Variants in SANBR observed in about 807,000 individuals in gnomAD.
SANBR encodes the protein SANT and BTB domain regulator of class switch recombination.
In SANBR, 77 loss-of-function variants were observed where a neutral mutation model predicts 101.8. That is an observed-to-expected ratio of 0.76 (90% CI 0.63 to 0.91). The LOEUF (loss-of-function observed/expected upper bound fraction) is 0.91. Ranked by LOEUF, SANBR falls within the 40% of genes least tolerant of loss-of-function variation. The pLI is 0.00. For missense variants in SANBR, 875 were observed against 853.0 expected (o/e 1.03, Z -0.32); for synonymous variants, 279 against 274.7 (o/e 1.02, Z -0.15).
chr2:61,121,156 G>T (rs1379397392), intron 20 of SANBR, 29 bp from the exon 21 acceptor site: 1 of 1,432,076 alleles, frequency 7.0e-7, no homozygotes, highest in Non-Finnish European at 9.6e-7. Context: ...ATTCTGTGAA[G>T]ATAACAGTAT....
At chr2:61,076,461 C>CAA (rs11308796) in intron 5 of SANBR, among the ~76,000 whole-genome samples, 2 of 121,538 alleles carry the variant, frequency 1.6e-5, no homozygotes, top group South Asian at 2.9e-4. Context: ...ACTAAAAATA[C>CAA]AAAAAAAAAA....
chr2:61,117,454 A>AT lies in SANBR; in HGVS notation c.1866-7dup. 1 of 1,613,644 alleles carries AT rather than the reference A, an allele frequency of 6.2e-7. No individual in the cohort carries two copies. Among genetic ancestry groups the AT allele is most frequent in the Non-Finnish European group, 8.5e-7 (1 of 1,179,726 alleles). ...AAGCATCAATGCTGATTTTTGTTCA[A>AT]TTTTTTCAATAGTATGAGTATGCAG... On this transcript the variant is annotated splice_polypyrimidine_tract_variant and intron_variant, in intron 18 of 21. Transcript: ENST00000402291.
At chr2:61,124,384 C>A, downstream of SANBR, 1 of 483,312 alleles carries the variant, frequency 2.1e-6, no homozygotes, top group Non-Finnish European at 2.7e-6. Context: ...ATCTCTGCTA[C>A]AAGGTGAAAT....
At chr2:61,108,482 A>T in intron 15 of SANBR, 133 bp downstream of exon 15, 3 of 553,054 alleles carry the variant, frequency 5.4e-6, no homozygotes, top group Non-Finnish European at 9.4e-6. Flanking sequence ...AGATTCTCCT[A>T]TTTTGCACTT....
intron 4 of SANBR, among the ~76,000 whole-genome samples, chr2:61,072,083 G>A (rs1033415720): frequency 2.0e-5 from 3 of 151,864 alleles, no homozygotes; most frequent in South Asian, 2.1e-4. Context: ...GACTAGAGAC[G>A]TGCACCACCG....
chr2:61,077,029 T>G lies in SANBR; in HGVS notation c.541T>G (p.Ser181Ala). The G allele has an allele frequency of 6.2e-7, 1 of 1,614,084 alleles. No individual in the cohort carries two copies. The highest frequency in any genetic ancestry group is 8.5e-7 in the Non-Finnish European group (1 of 1,179,928). ...SEMKYFAEYL[S>A]MDAQRWEEVD... ...AATGAAGTACTTTGCTGAATATTTA[T>G]CTATGGATGCCCAGCGCTGGGAAGA... Residue 181 changes from serine (S) to alanine (A), a missense_variant, in exon 6 of 22, where the codon TCT becomes GCT. By Grantham distance (99) the Ser-to-Ala change is moderately conservative. Transcript: ENST00000402291.
chr2:61,116,423 CTT>C (rs775674917), intron 17 of SANBR, among the ~76,000 whole-genome samples: 20 of 152,020 alleles, frequency 1.3e-4, no homozygotes, highest in Non-Finnish European at 2.4e-4. Flanking sequence ...AAGTGAGAGT[CTT>C]TTCATTATAT....
At chr2:61,092,611 C>T (rs907386021) in intron 11 of SANBR, 24 bp downstream of exon 11, 10 of 1,542,644 alleles carry the variant, frequency 6.5e-6, no homozygotes, top group Non-Finnish European at 8.7e-6. Context: ...TTTTAAATAT[C>T]CTGCTCTGCA....
chr2:61,104,259 G>T (rs1683433432), intron 13 of SANBR, among the ~76,000 whole-genome samples: 1 of 152,066 alleles, frequency 6.6e-6, no homozygotes, highest in African/African-American at 2.4e-5. Context: ...AAGGCGGGCG[G>T]ATCACGAGGT....
intron 8 of SANBR, among the ~76,000 whole-genome samples, chr2:61,083,618 C>A (rs1287292496): frequency 3.3e-5 from 5 of 151,940 alleles, no homozygotes; most frequent in Admixed American, 1.3e-4. Flanking sequence ...GCTTGTAATC[C>A]CAGCACTTTG....
rs1573672289 is a variant in SANBR, at chr2:61,121,795, C to T, written c.2121-331C>T. On this transcript the variant is annotated intron_variant, in intron 21 of 21. Coordinates refer to ENST00000402291, the MANE Select transcript of SANBR (RefSeq NM_001129993.3). ...TCTGAAATCCAGAAAGTTCAAAAAGCTGAAAGTGTTTTCATACATTTGTAG... is the reference window on the plus strand; with the variant it reads ...TCTGAAATCCAGAAAGTTCAAAAAGTTGAAAGTGTTTTCATACATTTGTAG... Among the ~76,000 whole-genome samples, 5 of 152,226 alleles carry T rather than the reference C, an allele frequency of 3.3e-5. No individual in the cohort carries two copies. The Middle Eastern group carries it at 0.01, about 311-fold the overall frequency.
intron 20 of SANBR, among the ~76,000 whole-genome samples, chr2:61,131,986 T>G (rs1219072644): frequency 6.6e-6 from 1 of 152,220 alleles, no homozygotes; most frequent in African/African-American, 2.4e-5. Context: ...ATAATCAAGT[T>G]GGATCCTTAC....
rs1177285 is a variant in SANBR at position 61,123,002 on chromosome 2, A to G, written c.*840A>G. On this transcript the variant is annotated 3_prime_UTR_variant, in exon 22 of 22. Coordinates refer to ENST00000402291, the MANE Select transcript of SANBR (RefSeq NM_001129993.3). ...TCTGTAACCATTCAAATAACTCCTTAAAACAGTTATACTTGCTAGTTCGGT... is the reference window on the plus strand; with the variant it reads ...TCTGTAACCATTCAAATAACTCCTTGAAACAGTTATACTTGCTAGTTCGGT... 0.41 allele frequency: 399,518 copies of G among 982,024 alleles called. 82,164 individuals are homozygous for G. The highest frequency in any genetic ancestry group is 0.48 in the Middle Eastern group (921 of 1,906). 60.8% of individuals were successfully genotyped at this position (982,024 alleles called of 1,614,324 possible). A position where few individuals can be genotyped will look rare whatever the true frequency, so the allele number is the denominator to read the frequency against.
intron 16 of SANBR, among the ~76,000 whole-genome samples, chr2:61,113,261 T>G (rs1040825093): frequency 7.9e-5 from 12 of 152,226 alleles, no homozygotes; most frequent in African/African-American, 2.7e-4. Flanking sequence ...CCTGGTGGTG[T>G]GAGTCCTCCA....
At chr2:61,104,113 G>A (rs1375633895) in intron 13 of SANBR, 115 bp downstream of exon 13, 1 of 874,934 alleles carries the variant, frequency 1.1e-6, no homozygotes. Flanking sequence ...CATTATTTCA[G>A]AAAACTTAAC....
chr2:61,117,282 C>G, intron 17 of SANBR, 75 bp from the exon 18 acceptor site: 1 of 1,359,616 alleles, frequency 7.4e-7, no homozygotes, highest in Non-Finnish European at 1.1e-6. Flanking sequence ...AGAGTGAACT[C>G]TTTTTATTAC....
intron 20 of SANBR, among the ~76,000 whole-genome samples, chr2:61,132,271 T>A (rs1382310638): frequency 1.3e-5 from 2 of 152,230 alleles, no homozygotes; most frequent in African/African-American, 4.8e-5. Flanking sequence ...ATGTATCTGA[T>A]AAGGAAACGT....
chr2:61,120,141 T>C (rs2104970142), intron 20 of SANBR, among the ~76,000 whole-genome samples: 1 of 152,334 alleles, frequency 6.6e-6, no homozygotes, highest in South Asian at 2.1e-4. Context: ...TTATTCATAA[T>C]TGCTAAAAAC....
intron 10 of SANBR, 138 bp from the exon 11 acceptor site, chr2:61,092,326 G>A: frequency 8.0e-6 from 4 of 500,524 alleles, no homozygotes; most frequent in Non-Finnish European, 1.2e-5. Flanking sequence ...GGTGGTTACA[G>A]TGAGCCAAGA....
Sources: gnomAD v4.1 joint callset for allele counts (sites outside exome capture counted in the v4.1 genomes callset) on GRCh38, gnomAD v4.1.1 for gene constraint, MANE v1.5 for transcripts, NCBI Gene and HGNC (gene_info 2026-07-23, HGNC 2026-07-21) for gene names.